The following LDHB variants were observed in gnomAD, a reference collection of about 807,000 sequenced individuals.
LDHB encodes the protein L-lactate dehydrogenase B chain.
A neutral mutation model predicts 33.4 loss-of-function variants in LDHB; 18 were observed. The ratio of observed to expected loss-of-function variants is 0.54; its 90% confidence interval spans 0.37 to 0.80. LDHB has a LOEUF of 0.80. Ranked by LOEUF, LDHB falls within the 30% of genes least tolerant of loss-of-function variation. LDHB has a pLI of 0.00. For synonymous variants in LDHB, 121 were observed against 140.6 expected (o/e 0.86, Z 0.98); for missense variants, 345 against 407.9 (o/e 0.85, Z 1.33).
intron 6 of LDHB, 28 bp from the exon 7 acceptor site, chr12:21,637,222 G>A: frequency 6.5e-7 from 1 of 1,544,876 alleles, no homozygotes. Context: ...AGACATCACT[G>A]AAATAAGACT....
chr12:21,647,261 A>G (rs1369421136), intron 2 of LDHB, among the ~76,000 whole-genome samples: 1 of 152,240 alleles, frequency 6.6e-6, no homozygotes, highest in Non-Finnish European at 1.5e-5. Flanking sequence ...CCTAGTGAAT[A>G]CAAGTCTATA....
intron 4 of LDHB, among the ~76,000 whole-genome samples, chr12:21,642,814 C>G (rs1427332285): frequency 6.6e-6 from 1 of 152,144 alleles, no homozygotes. Context: ...CCTCCACCCC[C>G]ACACTAATCT....
intron 4 of LDHB, chr12:21,643,714 A>G (rs1938434052): frequency 1.9e-6 from 1 of 537,162 alleles, no homozygotes; most frequent in African/African-American, 1.9e-5. Flanking sequence ...AAGCAAAAAC[A>G]TGAAATTGCT....
chr12:21,647,366 G>C (rs2136973981), intron 2 of LDHB, among the ~76,000 whole-genome samples: 1 of 152,232 alleles, frequency 6.6e-6, no homozygotes, highest in Non-Finnish European at 1.5e-5. Context: ...CAATTTGGAG[G>C]CTTTCTGAGA....
At chr12:21,636,670 G>T (rs1056167482) in intron 7 of LDHB, among the ~76,000 whole-genome samples, 1 of 151,908 alleles carries the variant, frequency 6.6e-6, no homozygotes, top group African/African-American at 2.4e-5. Context: ...TACCTGTTTT[G>T]TGCATTTGCT....
At chr12:21,639,981 A>C (rs371934347) in intron 5 of LDHB, among the ~76,000 whole-genome samples, 9 of 152,050 alleles carry the variant, frequency 5.9e-5, no homozygotes, top group African/African-American at 2.2e-4. Context: ...CTAAAATTGC[A>C]TTTCAAACTC....
At chr12:21,639,798 T>C (rs754999647) in intron 5 of LDHB, among the ~76,000 whole-genome samples, 27 of 151,996 alleles carry the variant, frequency 1.8e-4, no homozygotes, top group African/African-American at 5.8e-4. Context: ...GAGAGACACA[T>C]AGGACCATTA....
In LDHB at chr12:21,638,477, A is replaced by C; in HGVS notation, c.596-7T>G. 2.2e-4 allele frequency: 1 copy of C among 4,580 alleles called. No individual in the cohort carries two copies. The allele number at this position is 4,580 out of a possible 1,614,324, so 0.3% of individuals were successfully genotyped here. A position where few individuals can be genotyped will look rare whatever the true frequency, so the allele number is the denominator to read the frequency against. ...ACACCACTCCACACAGCCACTGTTTAAAAAAAAAAAAAAAGACATTGCAGT... is the reference window on the plus strand; with the variant it reads ...ACACCACTCCACACAGCCACTGTTTCAAAAAAAAAAAAAAGACATTGCAGT... On this transcript the variant is annotated splice_region_variant and splice_polypyrimidine_tract_variant and intron_variant, in intron 5 of 7. Coordinates refer to ENST00000350669, the MANE Select transcript of LDHB (RefSeq NM_002300.8).
At chr12:21,654,787 T>C (rs1230423422) in intron 1 of LDHB, 110 bp from the exon 2 acceptor site, 5 of 875,030 alleles carry the variant, frequency 5.7e-6, no homozygotes, top group Non-Finnish European at 9.6e-6. Flanking sequence ...CAACTTAAAA[T>C]GAGCCTAATG....
At chr12:21,640,857 AG>A (rs1027083050) in intron 5 of LDHB, among the ~76,000 whole-genome samples, 5 of 151,976 alleles carry the variant, frequency 3.3e-5, no homozygotes, top group African/African-American at 1.2e-4. Context: ...AAGACGTAAG[AG>A]TCAGTTTGAA....
chr12:21,657,313 T>C (rs1042219784), intron 1 of LDHB: 2 of 152,156 alleles, frequency 1.3e-5, no homozygotes, highest in African/African-American at 4.8e-5. Flanking sequence ...CAAGGGCATT[T>C]CTCTATTACC....
intron 7 of LDHB, 37 bp downstream of exon 7, chr12:21,637,034 G>T (rs1677134): frequency 0.99 from 1,508,141 of 1,516,864 alleles, 750,097 homozygotes; most frequent in East Asian, 1. Context: ...AATACAATGC[G>T]AGAAATCATA....
At chr12:21,635,828 A>G (rs1018353985) in intron 7 of LDHB, 119 bp from the exon 8 acceptor site, 1 of 829,068 alleles carries the variant, frequency 1.2e-6, no homozygotes, top group Non-Finnish European at 2.0e-6. Context: ...TCAGTGAGCT[A>G]TGACAGCGGT....
chr12:21,637,697 A>T (rs780171434), intron 6 of LDHB, among the ~76,000 whole-genome samples: 8 of 152,084 alleles, frequency 5.3e-5, no homozygotes, highest in Non-Finnish European at 8.8e-5. Flanking sequence ...CTTGAGAAGC[A>T]GCAGGAATAA....
intron 5 of LDHB, among the ~76,000 whole-genome samples, chr12:21,640,311 TTATAA>T (rs1938337909): frequency 6.8e-6 from 1 of 145,998 alleles, no homozygotes; most frequent in South Asian, 2.2e-4. Flanking sequence ...AATAAAACAT[TTATAA>T]TATAGTTTTA....
chr12:21,644,146 A>G (rs1448270017), intron 3 of LDHB, 38 bp from the exon 4 acceptor site: 2 of 1,409,304 alleles, frequency 1.4e-6, no homozygotes, highest in Non-Finnish European at 2.0e-6. Context: ...CTTTAAATGC[A>G]ACTCTTCATT....
intron 4 of LDHB, 94 bp from the exon 5 acceptor site, chr12:21,642,219 C>A (rs935375562): frequency 5.0e-6 from 4 of 807,362 alleles, no homozygotes; most frequent in Non-Finnish European, 8.7e-6. Context: ...TTCCCACTTC[C>A]CCACTCCCCA....
At chr12:21,642,433 G>GA (rs1938399835) in intron 4 of LDHB, among the ~76,000 whole-genome samples, 1 of 151,834 alleles carries the variant, frequency 6.6e-6, no homozygotes, top group Non-Finnish European at 1.5e-5. Context: ...ACTTAAAGTT[G>GA]AAAAAAACAA....
intron 3 of LDHB, among the ~76,000 whole-genome samples, chr12:21,644,453 A>AAAAAAAAACC (rs371337937): frequency 2.7e-5 from 3 of 113,152 alleles, no homozygotes; most frequent in Non-Finnish European, 5.5e-5. Flanking sequence ...AAACAAAAAC[A>AAAAAAAAACC]AAAACCAATT....
Sources: gnomAD v4.1 joint callset for allele counts (sites outside exome capture counted in the v4.1 genomes callset) on GRCh38, gnomAD v4.1.1 for gene constraint, MANE v1.5 for transcripts, NCBI Gene and HGNC (gene_info 2026-07-23, HGNC 2026-07-21) for gene names.